NT5C2: variants seen among roughly 807,000 people sequenced by gnomAD.
NT5C2 encodes 5'-nucleotidase, cytosolic II, also known as cytosolic purine 5'-nucleotidase.
Under a neutral mutation model 76.1 loss-of-function variants are expected in NT5C2, and 58 were observed. The observed-to-expected ratio is 0.76, with a 90% CI of 0.62 to 0.95. NT5C2 has a LOEUF of 0.95. NT5C2 is among the 40% of genes least tolerant of loss of function. The pLI is 0.00. For synonymous variants in NT5C2, 229 were observed against 237.4 expected, an observed-to-expected ratio of 0.96 and a Z score of 0.32; for missense variants, 478 against 690.3, an observed-to-expected ratio of 0.69 and a Z score of 3.45.
intron 11 of NT5C2, 37 bp from the exon 12 acceptor site, chr10:103,096,017 C>G (rs202241569): frequency 4.0e-5 from 61 of 1,528,564 alleles, no homozygotes; most frequent in Admixed American, 1.7e-5. Flanking sequence ...CCATATACTA[C>G]TTTTGCAAAA....
chr10:103,188,267 C>A (rs941320864), intron 1 of NT5C2, among the ~76,000 whole-genome samples: 1 of 151,826 alleles, frequency 6.6e-6, no homozygotes, highest in Non-Finnish European at 1.5e-5. Context: ...CTGAGCCAGA[C>A]GAATCACTTG....
intron 4 of NT5C2, among the ~76,000 whole-genome samples, chr10:103,128,086 CCTCTGT>C (rs1323210141): frequency 2.5e-4 from 35 of 139,798 alleles, no homozygotes; most frequent in African/African-American, 8.7e-4. Flanking sequence ...TCTCCCTCTC[CCTCTGT>C]CTCCCTCTCC....
chr10:103,109,785 A>AAT (rs1299510798), intron 4 of NT5C2, among the ~76,000 whole-genome samples: 2 of 152,208 alleles, frequency 1.3e-5, no homozygotes, highest in African/African-American at 2.4e-5. Flanking sequence ...TATGTCTATG[A>AAT]GACAATTTGG....
intron 3 of NT5C2, 28 bp downstream of exon 3, chr10:103,174,830 T>G: frequency 6.8e-7 from 1 of 1,460,316 alleles, no homozygotes; most frequent in Non-Finnish European, 9.6e-7. Context: ...TAGAGGGGTT[T>G]TGAGGATTAA....
chr10:103,127,874 A>G (rs1399964305), intron 4 of NT5C2, among the ~76,000 whole-genome samples: 2 of 151,856 alleles, frequency 1.3e-5, no homozygotes, highest in Non-Finnish European at 2.9e-5. Context: ...GCTAATTTTT[A>G]TATTTTTTGG....
intron 1 of NT5C2, among the ~76,000 whole-genome samples, chr10:103,187,674 C>T (rs891310781): frequency 6.7e-6 from 1 of 149,584 alleles, no homozygotes; most frequent in Non-Finnish European, 1.5e-5. Flanking sequence ...AATTTTGATA[C>T]AGAATGTTTG....
intron 4 of NT5C2, among the ~76,000 whole-genome samples, chr10:103,132,516 A>AT (rs1037283112): frequency 6.6e-6 from 1 of 152,010 alleles, no homozygotes; most frequent in Non-Finnish European, 1.5e-5. Flanking sequence ...TCTCTAAATT[A>AT]TTTTTGTAGC....
intron 15 of NT5C2, 27 bp downstream of exon 15, chr10:103,093,112 T>G: frequency 2.6e-6 from 4 of 1,521,898 alleles, no homozygotes; most frequent in Non-Finnish European, 3.5e-6. Flanking sequence ...AGATATAAAT[T>G]ACACCAAAGA....
At chr10:103,106,098 T>C (rs553556133) in intron 5 of NT5C2, among the ~76,000 whole-genome samples, 10 of 152,290 alleles carry the variant, frequency 6.6e-5, no homozygotes, top group Admixed American at 3.9e-4. Context: ...TTCTAAAACA[T>C]AGTCTTTTTT....
At chr10:103,188,222 G>A (rs2092279384) in intron 1 of NT5C2, among the ~76,000 whole-genome samples, 2 of 152,126 alleles carry the variant, frequency 1.3e-5, no homozygotes, top group African/African-American at 2.4e-5. Flanking sequence ...GCCAGGCATG[G>A]TGGCGGGCGC....
chr10:103,173,880 G>A (rs2134775326), intron 3 of NT5C2, among the ~76,000 whole-genome samples: 1 of 152,108 alleles, frequency 6.6e-6, no homozygotes, highest in Non-Finnish European at 1.5e-5. Flanking sequence ...TGGATCACCT[G>A]AGGTCAGGAG....
chr10:103,175,538 C>T, intron 2 of NT5C2: 1 of 183,708 alleles, frequency 5.4e-6, no homozygotes, highest in Non-Finnish European at 1.2e-5. Flanking sequence ...TGGCTACCCC[C>T]CAGCAGACCC....
chr10:103,119,945 A>G (rs2075316633), intron 4 of NT5C2, among the ~76,000 whole-genome samples: 1 of 152,018 alleles, frequency 6.6e-6, no homozygotes, highest in Non-Finnish European at 1.5e-5. Flanking sequence ...CAAAAAATAA[A>G]AAAATTAGCC....
chr10:103,099,840 A>C, intron 9 of NT5C2, 86 bp downstream of exon 9: 2 of 826,916 alleles, frequency 2.4e-6, no homozygotes, highest in East Asian at 2.5e-5. Flanking sequence ...TAAAAAAAGA[A>C]ATATTCTGCT....
chr10:103,160,662 A>G (rs2084619600), intron 3 of NT5C2, among the ~76,000 whole-genome samples: 3 of 152,242 alleles, frequency 2.0e-5, no homozygotes, highest in South Asian at 2.1e-4. Flanking sequence ...ATTACTGGTC[A>G]TAAGGGCAAG....
chr10:103,190,568 A>AT (rs2092561383), intron 1 of NT5C2, among the ~76,000 whole-genome samples: 1 of 152,262 alleles, frequency 6.6e-6, no homozygotes, highest in Admixed American at 6.5e-5. Flanking sequence ...AATTTGTTCT[A>AT]TTTTTCCCTT....
At chr10:103,097,145 G>A in intron 11 of NT5C2, 146 bp downstream of exon 11, 1 of 547,004 alleles carries the variant, frequency 1.8e-6, no homozygotes, top group Non-Finnish European at 3.2e-6. Flanking sequence ...CTGTTATCCT[G>A]TATATTTTTG....
At chr10:103,151,126 T>TC (rs2082324292) in intron 3 of NT5C2, among the ~76,000 whole-genome samples, 1 of 152,164 alleles carries the variant, frequency 6.6e-6, no homozygotes, top group Admixed American at 6.5e-5. Context: ...ATTTTTTTTT[T>TC]CCTATATGAA....
At chr10:103,135,963 T>A (rs1018257116) in intron 4 of NT5C2, among the ~76,000 whole-genome samples, 9 of 152,008 alleles carry the variant, frequency 5.9e-5, no homozygotes, top group South Asian at 4.2e-4. Context: ...GGTGGGCACC[T>A]GTAATCCCAG....
Sources: allele counts gnomAD v4.1 joint callset (sites outside exome capture counted in the v4.1 genomes callset), GRCh38; gene constraint gnomAD v4.1.1; transcripts MANE v1.5; gene names NCBI Gene and HGNC (gene_info 2026-07-23, HGNC 2026-07-21).